Variants in KCNJ12 observed in about 807,000 individuals in gnomAD.
KCNJ12 encodes potassium inwardly rectifying channel subfamily J member 12.
Under a neutral mutation model 22.3 loss-of-function variants are expected in KCNJ12, and 2 were observed. The ratio of observed to expected loss-of-function variants is 0.09; its 90% CI spans 0.04 to 0.28. The LOEUF (loss-of-function observed/expected upper bound fraction) is 0.28, where lower values mean the gene tolerates loss of function less well. Ranked by LOEUF, KCNJ12 falls within the 10% of genes least tolerant of loss-of-function variation. The pLI is 1.00. For missense variants in KCNJ12, 155 were observed against 633.3 expected, an observed-to-expected ratio of 0.24 and a Z score of 8.11; for synonymous variants, 117 against 261.4, an observed-to-expected ratio of 0.45 and a Z score of 5.33.
chr17:21,381,821 C>G (rs1904878448), intron 1 of KCNJ12, among the ~76,000 whole-genome samples: 1 of 152,130 alleles, frequency 6.6e-6, no homozygotes, highest in South Asian at 2.1e-4. Context: ...CTTTTTGGAC[C>G]TATTCTACCA....
chr17:21,410,185 A>T (rs1906238937), intron 2 of KCNJ12, among the ~76,000 whole-genome samples: 1 of 152,016 alleles, frequency 6.6e-6, no homozygotes, highest in Non-Finnish European at 1.5e-5. Context: ...CCTAGCCTTG[A>T]TGTGGTCCTA....
intron 2 of KCNJ12, among the ~76,000 whole-genome samples, chr17:21,409,228 G>A (rs1306121258): frequency 1.1e-4 from 17 of 152,422 alleles, no homozygotes; most frequent in Admixed American, 5.9e-4. Flanking sequence ...GATCCTAAAG[G>A]GGGCCAGGGG....
chr17:21,387,456 A>G (rs1555558809), intron 1 of KCNJ12, among the ~76,000 whole-genome samples: 1 of 151,728 alleles, frequency 6.6e-6, no homozygotes, highest in Non-Finnish European at 1.5e-5. Context: ...AAAAAAAAAA[A>G]AAAAAAAAAG....
chr17:21,382,905 A>AG, intron 1 of KCNJ12, among the ~76,000 whole-genome samples: 1 of 152,170 alleles, frequency 6.6e-6, no homozygotes, highest in Non-Finnish European at 1.5e-5. Context: ...GGTGTACAGG[A>AG]GGGTGCGACG....
chr17:21,381,877 G>A (rs556720888), intron 1 of KCNJ12, among the ~76,000 whole-genome samples: 11 of 152,304 alleles, frequency 7.2e-5, no homozygotes, highest in East Asian at 1.9e-4. Context: ...GATGGCAGGC[G>A]CCCAGTAAAC....
intron 1 of KCNJ12, among the ~76,000 whole-genome samples, chr17:21,383,830 G>A (rs28650318): frequency 0.097 from 14,728 of 152,228 alleles, 837 homozygotes; most frequent in East Asian, 0.14. Context: ...GCCCTGGGGG[G>A]CTGACATCTC....
At chr17:21,412,205 C>T (rs1267149705) in intron 2 of KCNJ12, among the ~76,000 whole-genome samples, 1 of 152,286 alleles carries the variant, frequency 6.6e-6, no homozygotes, top group Non-Finnish European at 1.5e-5. Context: ...TGTTGATGCT[C>T]TCTGTGTGGT....
At chr17:21,414,019 C>A (rs1906533604) in intron 2 of KCNJ12, among the ~76,000 whole-genome samples, 1 of 152,304 alleles carries the variant, frequency 6.6e-6, no homozygotes, top group Non-Finnish European at 1.5e-5. Context: ...CCAGATCTTA[C>A]CCTCTTTGGC....
At chr17:21,400,644 T>C (rs1437071281) in intron 1 of KCNJ12, among the ~76,000 whole-genome samples, 2 of 152,312 alleles carry the variant, frequency 1.3e-5, no homozygotes, top group Non-Finnish European at 2.9e-5. Flanking sequence ...GACAAGGCCC[T>C]GGCCCTGAGC....
intron 2 of KCNJ12, among the ~76,000 whole-genome samples, chr17:21,411,187 TG>T (rs1906322360): frequency 6.6e-6 from 1 of 152,308 alleles, no homozygotes; most frequent in African/African-American, 2.4e-5. Flanking sequence ...GCAGTGGGCA[TG>T]GGGCATCCAG....
At chr17:21,404,798 G>C (rs1167034314) in intron 1 of KCNJ12, among the ~76,000 whole-genome samples, 1 of 152,232 alleles carries the variant, frequency 6.6e-6, no homozygotes, top group Non-Finnish European at 1.5e-5. Flanking sequence ...ATGTTCTCAA[G>C]ATAGAAATAC....
chr17:21,406,443 C>T (rs1429017793), intron 1 of KCNJ12, among the ~76,000 whole-genome samples: 1 of 152,312 alleles, frequency 6.6e-6, no homozygotes, highest in Non-Finnish European at 1.5e-5. Flanking sequence ...ACCTCTGTGT[C>T]CCCATCAGTT....
At chr17:21,379,053 T>G (rs1555557615) in intron 1 of KCNJ12, among the ~76,000 whole-genome samples, 1 of 152,182 alleles carries the variant, frequency 6.6e-6, no homozygotes. Context: ...CCCAGGGCCA[T>G]GGTGTCCCCA....
intron 1 of KCNJ12, among the ~76,000 whole-genome samples, chr17:21,384,780 T>G (rs1905018934): frequency 6.7e-6 from 1 of 150,044 alleles, no homozygotes; most frequent in Non-Finnish European, 1.5e-5. Flanking sequence ...GTTTTTTTTT[T>G]TTTTTGTTTT....
chr17:21,390,966 C>A (rs1254718955), intron 1 of KCNJ12, among the ~76,000 whole-genome samples: 1 of 152,240 alleles, frequency 6.6e-6, no homozygotes, highest in Admixed American at 6.5e-5. Flanking sequence ...GTAGTCACTG[C>A]CAGTCCCTGC....
At chr17:21,410,258 C>T (rs1291325107) in intron 2 of KCNJ12, among the ~76,000 whole-genome samples, 1 of 152,250 alleles carries the variant, frequency 6.6e-6, no homozygotes, top group Non-Finnish European at 1.5e-5. Flanking sequence ...CTGCCTCTCA[C>T]ACCCTATGTG....
At chr17:21,397,776 G>A (rs1905419538) in intron 1 of KCNJ12, among the ~76,000 whole-genome samples, 1 of 152,194 alleles carries the variant, frequency 6.6e-6, no homozygotes, top group African/African-American at 2.4e-5. Context: ...GCCTGACTCA[G>A]GGCCTCATAC....
chr17:21,408,521 T>C lies in KCNJ12; in HGVS notation c.-176T>C, dbSNP rs1363071741. ...TGGCTTTACTCTTTTAACTTTAGGATGTTCTAGTGACTGGATCCTTTCCAG... is the reference window on the plus strand; with the variant it reads ...TGGCTTTACTCTTTTAACTTTAGGACGTTCTAGTGACTGGATCCTTTCCAG... On this transcript the variant is annotated splice_region_variant and 5_prime_UTR_variant, in exon 2 of 3. The change abolishes an upstream ATG in the 5' untranslated region. Transcript: ENST00000583088. The C allele has an allele frequency of 7.9e-5, 12 of 152,410 alleles. No individual in the cohort carries two copies. Among genetic ancestry groups the C allele is most frequent in the African/African-American group, 2.9e-4 (12 of 41,482 alleles). 9.4% of individuals were successfully genotyped at this position (152,410 alleles called of 1,614,324 possible).
In KCNJ12 at chr17:21,416,958, G is replaced by C. The variant is rs1906876374; in HGVS notation, c.*314G>C. On this transcript the variant is annotated 3_prime_UTR_variant, in exon 3 of 3. Transcript: ENST00000583088. ...AGCCTGCGGGGAAGCAGCTCAGCTC[G>C]ATGGTGGGCCCAGCCTCTGCTGTCC... The C allele has an allele frequency of 6.4e-6, 3 of 470,458 alleles. No individual in the cohort carries two copies. Among genetic ancestry groups the C allele is most frequent in the Non-Finnish European group, 7.7e-6 (2 of 260,252 alleles). 29.1% of individuals were successfully genotyped at this position (470,458 alleles called of 1,614,324 possible). A position where few individuals can be genotyped will look rare whatever the true frequency, so the allele number is the denominator to read the frequency against.
Sources: allele counts gnomAD v4.1 joint callset (sites outside exome capture counted in the v4.1 genomes callset), GRCh38; gene constraint gnomAD v4.1.1; transcripts MANE v1.5; gene names NCBI Gene and HGNC (gene_info 2026-07-23, HGNC 2026-07-21).